Variants in DIP2A observed in about 807,000 individuals in gnomAD.
DIP2A encodes DIP2 acetate--CoA ligase A.
DIP2A carries 85 observed loss-of-function variants against 177.4 expected under a neutral mutation model. That is an observed-to-expected ratio of 0.48 (90% CI 0.40 to 0.57). DIP2A has a LOEUF of 0.57. Ranked by LOEUF, DIP2A falls within the 20% of genes least tolerant of loss-of-function variation. The pLI is 0.00. For missense variants in DIP2A, 1,791 were observed against 2,100.2 expected, an observed-to-expected ratio of 0.85 and a Z score of 2.88; for synonymous variants, 886 against 881.8, an observed-to-expected ratio of 1.00 and a Z score of -0.08.
chr21:46,567,233 T>G, intron 37 of DIP2A, 137 bp from the exon 38 acceptor site: 1 of 1,296,894 alleles, frequency 7.7e-7, no homozygotes, highest in Non-Finnish European at 1.1e-6. Context: ...GCCTGATCTT[T>G]AGATTGTAAA....
intron 17 of DIP2A, among the ~76,000 whole-genome samples, chr21:46,541,311 G>T (rs1054437879): frequency 2.6e-5 from 4 of 152,184 alleles, no homozygotes; most frequent in African/African-American, 9.7e-5. Flanking sequence ...TGTTTGGAGG[G>T]AGCGGTGAGG....
At chr21:46,560,856 T>C (rs1175077524) in intron 33 of DIP2A, 73 bp downstream of exon 33, 6 of 1,542,784 alleles carry the variant, frequency 3.9e-6, no homozygotes, top group Non-Finnish European at 5.3e-6. Context: ...CTGCACTGAC[T>C]ATGCACCCCC....
At chr21:46,565,930 A>G (rs201440734) in intron 36 of DIP2A, 43 bp downstream of exon 36, 164 of 1,607,128 alleles carry the variant, frequency 1.0e-4, no homozygotes, top group Middle Eastern at 2.0e-4. Flanking sequence ...CTGTGCGGGG[A>G]GGACCTGGGC....
chr21:46,551,807 G>A lies in DIP2A; in HGVS notation c.2950-17G>A, dbSNP rs2060282232. On this transcript the variant is annotated splice_polypyrimidine_tract_variant and intron_variant, in intron 24 of 37. Coordinates refer to ENST00000417564, the MANE Select transcript of DIP2A (RefSeq NM_015151.4). ...GTGCCCCGGAGGCGCCAGTGAGCAA[G>A]TCGCCCTCTCGTGCAGTTCCTGTTC... 1 of 1,612,986 alleles carries A rather than the reference G, an allele frequency of 6.2e-7. No homozygotes were observed. Among genetic ancestry groups the A allele is most frequent in the Middle Eastern group, 1.7e-4 (1 of 6,056 alleles).
intron 1 of DIP2A, 84 bp from the exon 2 acceptor site, chr21:46,484,673 G>A (rs986465353): frequency 4.1e-5 from 51 of 1,239,726 alleles, no homozygotes; most frequent in Non-Finnish European, 5.5e-5. Flanking sequence ...AGTGTTTCCA[G>A]TTTTTCAATC....
intron 7 of DIP2A, 103 bp from the exon 8 acceptor site, chr21:46,511,314 A>G (rs1005658621): frequency 6.7e-6 from 8 of 1,188,512 alleles, no homozygotes; most frequent in Non-Finnish European, 8.1e-6. Context: ...GCTTTTTTAT[A>G]GTTGGGATTA....
At chr21:46,497,889 A>C (rs1480379267) in intron 4 of DIP2A, among the ~76,000 whole-genome samples, 1 of 152,238 alleles carries the variant, frequency 6.6e-6, no homozygotes, top group Non-Finnish European at 1.5e-5. Flanking sequence ...GTTTTTGCTA[A>C]ATATAGCTAT....
Position 46,537,102 on chromosome 21 carries a change from T to C in DIP2A, c.1643-122T>C. 1 of 887,536 alleles carries C rather than the reference T, an allele frequency of 1.1e-6. No individual in the cohort carries two copies. Among genetic ancestry groups the C allele is most frequent in the East Asian group, 2.4e-5 (1 of 41,412 alleles). The allele number at this position is 887,536 out of a possible 1,614,324, so 55.0% of individuals were successfully genotyped here. A position where few individuals can be genotyped will look rare whatever the true frequency, so the allele number is the denominator to read the frequency against. On this transcript the variant is annotated intron_variant, in intron 13 of 37. Transcript: ENST00000417564. This position sits in a 1 kb window ranked among gnomAD's most constrained non-coding sequence, Gnocchi z 4.1. ...TTAATTGGTATGTGGTATTTGGAAATGCTGTATCTGTTCCTGAAACTTACA... is the reference window on the plus strand; with the variant it reads ...TTAATTGGTATGTGGTATTTGGAAACGCTGTATCTGTTCCTGAAACTTACA...
chr21:46,528,519 TCTGCTTGC>T (rs1198670161), intron 8 of DIP2A, among the ~76,000 whole-genome samples: 1 of 139,122 alleles, frequency 7.2e-6, no homozygotes, highest in Non-Finnish European at 1.5e-5. Flanking sequence ...ACTGACTTTT[TCTGCTTGC>T]TTTTTTTTTT....
In DIP2A at chr21:46,512,473, A is replaced by G. The variant is rs1025591699; in HGVS notation, c.1102+859A>G. On this transcript the variant is annotated intron_variant, in intron 8 of 37. Transcript: ENST00000417564. Reference sequence around the variant, plus strand: ...ACCAGCTTTTGATATTGTTTATTTCATTATAGTCTTTGTTGTAGGTGTGTT... The same window carrying G: ...ACCAGCTTTTGATATTGTTTATTTCGTTATAGTCTTTGTTGTAGGTGTGTT... 2.4e-4 allele frequency among the ~76,000 whole-genome samples: 36 copies of G among 152,096 alleles called. 1 individual carries two copies. Among genetic ancestry groups the G allele is most frequent in the Non-Finnish European group, 4.4e-5 (3 of 68,018 alleles).
intron 26 of DIP2A, 84 bp from the exon 27 acceptor site, chr21:46,554,491 C>G (rs746459993): frequency 1.0e-5 from 16 of 1,567,896 alleles, no homozygotes; most frequent in Admixed American, 5.5e-5. Flanking sequence ...ACCACCTCCC[C>G]TCCTCTCTCG....
At chr21:46,474,476 G>A (rs1400287215) in intron 1 of DIP2A, among the ~76,000 whole-genome samples, 2 of 152,180 alleles carry the variant, frequency 1.3e-5, no homozygotes, top group Non-Finnish European at 2.9e-5. Flanking sequence ...GAGACTGCAG[G>A]GAAGACTGAG....
chr21:46,579,573 T>C, the DIP2A span, among the ~76,000 whole-genome samples: 4 of 152,208 alleles, frequency 2.6e-5, no homozygotes, highest in South Asian at 8.3e-4. Context: ...CCTCCTAGCT[T>C]TTTGAAGTGG....
chr21:46,528,096 A>G (rs1439269525), intron 8 of DIP2A, among the ~76,000 whole-genome samples: 1 of 152,076 alleles, frequency 6.6e-6, no homozygotes, highest in East Asian at 1.9e-4. Flanking sequence ...TGAGGTCCTG[A>G]TGGCTTTCCA....
chr21:46,515,627 C>A (rs1173913123), intron 8 of DIP2A, among the ~76,000 whole-genome samples: 1 of 152,092 alleles, frequency 6.6e-6, no homozygotes, highest in Non-Finnish European at 1.5e-5. Flanking sequence ...AGCTCCACCC[C>A]CCAGGCTCAG....
chr21:46,519,976 G>A (rs1194582641), intron 8 of DIP2A, among the ~76,000 whole-genome samples: 2 of 139,180 alleles, frequency 1.4e-5, no homozygotes, highest in Non-Finnish European at 3.0e-5. Flanking sequence ...CAGGGTTCAC[G>A]CCATTCTCCT....
Position 46,537,200 on chromosome 21 carries a change from G to A in DIP2A, c.1643-24G>A. ...CTTATTGAGAGGGTTGCTCAGTGGT[G>A]TCACCTTCTTTGTCCACTTGCAGCT... On this transcript the variant is annotated intron_variant, in intron 13 of 37. Coordinates refer to ENST00000417564, the MANE Select transcript of DIP2A (RefSeq NM_015151.4). The surrounding 1 kb of genome is among the most constrained non-coding windows in gnomAD (Gnocchi z 4.1). 6 of 1,613,806 alleles carry A rather than the reference G, an allele frequency of 3.7e-6. No individual in the cohort carries two copies. Among genetic ancestry groups the A allele is most frequent in the East Asian group, 2.2e-5 (1 of 44,886 alleles).
chr21:46,545,612 T>G (rs2059998216), intron 19 of DIP2A, among the ~76,000 whole-genome samples: 1 of 152,122 alleles, frequency 6.6e-6, no homozygotes. Context: ...ATATTTGCAT[T>G]GTTGTGATGT....
rs142510621 is a variant in DIP2A, at chr21:46,546,804, C to T, written c.2395-111C>T. The stretch of plus-strand genomic sequence containing the variant: ...GTGGGGCATTGACCCGTTTGCAAGG[C>T]GCTAGAGGCTCCTGTGCTGTTGGCC... On this transcript the variant is annotated intron_variant, in intron 20 of 37. Transcript: ENST00000417564. 2,103 of 1,278,284 alleles carry T rather than the reference C, an allele frequency of 1.6e-3. 37 individuals are homozygous for T. The South Asian group carries it at 0.025, about 15-fold the overall frequency. The allele number at this position is 1,278,284 out of a possible 1,614,324, so 79.2% of individuals were successfully genotyped here. A position where few individuals can be genotyped will look rare whatever the true frequency, so the allele number is the denominator to read the frequency against.
Sources: allele counts gnomAD v4.1 joint callset (sites outside exome capture counted in the v4.1 genomes callset), GRCh38; gene constraint gnomAD v4.1.1; non-coding constraint Gnocchi (gnomAD v3.1); transcripts MANE v1.5; gene names NCBI Gene and HGNC (gene_info 2026-07-23, HGNC 2026-07-21).